Variants in MSH3 observed in about 807,000 individuals in gnomAD.
The protein encoded by MSH3 is DNA mismatch repair protein Msh3.
A neutral mutation model predicts 123.3 loss-of-function variants in MSH3; 106 were observed. The ratio of observed to expected loss-of-function variants is 0.86; its 90% CI spans 0.73 to 1.01. The LOEUF (loss-of-function observed/expected upper bound fraction) is 1.01. Among genes scored for constraint, MSH3 ranks in the 50% least tolerant of loss-of-function variants. The pLI is 0.00. For missense variants in MSH3, 1,459 were observed against 1,347.6 expected (o/e 1.08, Z -1.29); for synonymous variants, 515 against 481.4 (o/e 1.07, Z -0.91).
At position 80,654,670 on chromosome 5, in the gene MSH3, G is replaced by A. The variant is rs535768731; in HGVS notation, c.-58G>A. 7 of 1,514,648 alleles carry A rather than the reference G, an allele frequency of 4.6e-6. No individual in the cohort carries two copies. In the African/African-American group the frequency reaches 8.6e-5, roughly 19 times the overall value. The allele number at this position is 1,514,648 out of a possible 1,614,324, so 93.8% of individuals were successfully genotyped here. Reference sequence around the variant, plus strand: ...CGCCCGCAGACGCCTGGGAACTGCGGCCGCGGGCTCGCGCTCCTCGCCAGG... The same window carrying A: ...CGCCCGCAGACGCCTGGGAACTGCGACCGCGGGCTCGCGCTCCTCGCCAGG... On this transcript the variant is annotated 5_prime_UTR_variant, in exon 1 of 24. Transcript: ENST00000265081.
chr5:80,764,592 G>A (rs1744093831), intron 13 of MSH3, among the ~76,000 whole-genome samples: 2 of 151,484 alleles, frequency 1.3e-5, no homozygotes, highest in South Asian at 4.2e-4. Context: ...CCAGCTCCTG[G>A]GTTCAAGAGA....
rs1163679271 is a variant in MSH3 at position 80,730,410 on chromosome 5, CA to C, written c.1568+1446del. On this transcript the variant is annotated intron_variant, in intron 10 of 23. Coordinates refer to ENST00000265081, the MANE Select transcript of MSH3 (RefSeq NM_002439.5). ...GAAAATTCAGAAGCAGGGTTTCTTCCAGGGGGAAGAAGGGAAAGTAGTAAAG... is the reference window on the plus strand; with the variant it reads ...GAAAATTCAGAAGCAGGGTTTCTTCCGGGGGAAGAAGGGAAAGTAGTAAAG... Among the ~76,000 whole-genome samples, 11 of 152,104 alleles carry C rather than the reference CA, an allele frequency of 7.2e-5. No individual in the cohort carries two copies. In the East Asian group the frequency reaches 2.1e-3, roughly 29 times the overall value.
chr5:80,740,422 A>G (rs957254759), intron 10 of MSH3, among the ~76,000 whole-genome samples: 22 of 151,940 alleles, frequency 1.4e-4, no homozygotes, highest in Non-Finnish European at 2.8e-4. Flanking sequence ...CAGTGGCACA[A>G]TCTTGGCTCA....
chr5:80,727,069 T>TC (rs1413971395), intron 9 of MSH3, among the ~76,000 whole-genome samples: 1 of 152,202 alleles, frequency 6.6e-6, no homozygotes, highest in Non-Finnish European at 1.5e-5. Context: ...AGCCTGTATT[T>TC]CTTGCTGCAG....
chr5:80,672,461 G>T, intron 5 of MSH3, 101 bp downstream of exon 5: 1 of 878,074 alleles, frequency 1.1e-6, no homozygotes, highest in Non-Finnish European at 1.9e-6. Flanking sequence ...AATTGGTTTA[G>T]AATTTTGCAT....
intron 15 of MSH3, among the ~76,000 whole-genome samples, chr5:80,769,213 A>G (rs1744175399): frequency 6.6e-6 from 1 of 152,090 alleles, no homozygotes; most frequent in Non-Finnish European, 1.5e-5. Context: ...ATGCAACTTA[A>G]TGTTATATGT....
chr5:80,843,060 T>C (rs966435309), intron 20 of MSH3, among the ~76,000 whole-genome samples: 2 of 152,172 alleles, frequency 1.3e-5, no homozygotes, highest in Middle Eastern at 3.2e-3. Flanking sequence ...TAGCTCTTAT[T>C]ATTTTGAGAT....
At chr5:80,705,370 G>A (rs1750698004) in intron 8 of MSH3, among the ~76,000 whole-genome samples, 1 of 152,192 alleles carries the variant, frequency 6.6e-6, no homozygotes, top group Non-Finnish European at 1.5e-5. Flanking sequence ...CTGCTTGTAA[G>A]AATTGACTGT....
At chr5:80,690,087 T>A (rs968362465) in intron 8 of MSH3, among the ~76,000 whole-genome samples, 37 of 152,138 alleles carry the variant, frequency 2.4e-4, no homozygotes, top group African/African-American at 8.7e-4. Flanking sequence ...GCTAATTTTT[T>A]AAAAAAAATT....
chr5:80,849,204 G>T (rs1745782457), intron 20 of MSH3, among the ~76,000 whole-genome samples: 1 of 152,126 alleles, frequency 6.6e-6, no homozygotes. Context: ...ATGGTCTTGG[G>T]CACCTCCTCC....
intron 9 of MSH3, among the ~76,000 whole-genome samples, chr5:80,726,064 A>G (rs557330174): frequency 5.7e-4 from 87 of 152,352 alleles, no homozygotes; most frequent in African/African-American, 1.9e-3. Flanking sequence ...TTGGTTGCCA[A>G]AATTAAAACA....
At chr5:80,743,451 T>G (rs149747757) in intron 11 of MSH3, among the ~76,000 whole-genome samples, 1 of 152,202 alleles carries the variant, frequency 6.6e-6, no homozygotes, top group East Asian at 1.9e-4. Context: ...CCAACTTGGC[T>G]ATAAGCACCC....
chr5:80,677,150 C>T (rs1006026049), intron 7 of MSH3, among the ~76,000 whole-genome samples: 29 of 152,186 alleles, frequency 1.9e-4, no homozygotes, highest in African/African-American at 6.0e-4. Context: ...CTTTTACCCT[C>T]GACACTGTTT....
At chr5:80,850,203 T>G (rs1745805811) in intron 20 of MSH3, among the ~76,000 whole-genome samples, 1 of 152,192 alleles carries the variant, frequency 6.6e-6, no homozygotes, top group South Asian at 2.1e-4. Context: ...ATTGTTCATA[T>G]CACTATCAGC....
chr5:80,788,045 A>G (rs1729360102), intron 18 of MSH3, among the ~76,000 whole-genome samples: 1 of 152,208 alleles, frequency 6.6e-6, no homozygotes, highest in Non-Finnish European at 1.5e-5. Context: ...TTAAGAGCCC[A>G]TATTCATCCC....
rs1749675199 is a variant in MSH3, at chr5:80,670,256, G to A, written c.739G>A (p.Val247Ile). The part of the protein sequence containing the change: ...IEMKQQHKDA[V>I]LCVECGYKYR... ...AATGAAGCAGCAGCACAAAGATGCA[G>A]TTTTGTGTGTGGAATGTGGATATAA... The change falls in exon 4 of 24, where the codon GTT becomes ATT. Residue 247 changes from valine (V) to isoleucine (I), a missense_variant. Coordinates refer to ENST00000265081, the MANE Select transcript of MSH3 (RefSeq NM_002439.5). 6.2e-7 allele frequency: 1 copy of A among 1,614,138 alleles called. No homozygotes were observed. The highest frequency in any genetic ancestry group is 8.5e-7 in the Non-Finnish European group (1 of 1,180,002).
chr5:80,664,017 C>T (rs999691489), intron 2 of MSH3, among the ~76,000 whole-genome samples: 2 of 152,132 alleles, frequency 1.3e-5, no homozygotes, highest in African/African-American at 4.8e-5. Flanking sequence ...GTGCTCTAAA[C>T]GGTGAAATAC....
At chr5:80,819,446 A>ATGTG (rs35865568) in intron 20 of MSH3, among the ~76,000 whole-genome samples, 87,934 of 136,376 alleles carry the variant, frequency 0.64, 28,592 homozygotes, top group South Asian at 0.75. Flanking sequence ...ATATATGTAT[A>ATGTG]TGTGTGTGTG....
In MSH3 at chr5:80,655,752, A is replaced by G. The variant is rs567616893; in HGVS notation, c.238-659A>G. 2.7e-4 allele frequency among the ~76,000 whole-genome samples: 41 copies of G among 152,276 alleles called. No homozygotes were observed. The East Asian group carries it at 6.6e-3, about 24-fold the overall frequency. Reference sequence around the variant, plus strand: ...TGTAGGTGGCAGCTTGGGTGCTTCAAAATCTTGTTCCTTTCGTATATATTT... The same window carrying G: ...TGTAGGTGGCAGCTTGGGTGCTTCAGAATCTTGTTCCTTTCGTATATATTT... On this transcript the variant is annotated intron_variant, in intron 1 of 23. Transcript: ENST00000265081.
Sources: gnomAD v4.1 joint callset for allele counts (sites outside exome capture counted in the v4.1 genomes callset) on GRCh38, gnomAD v4.1.1 for gene constraint, MANE v1.5 for transcripts, NCBI Gene and HGNC (gene_info 2026-07-23, HGNC 2026-07-21) for gene names.